The following SPAG16 variants were observed in gnomAD, a reference collection of about 807,000 sequenced individuals.
SPAG16 encodes sperm associated antigen 16.
A neutral mutation model predicts 80.4 loss-of-function variants in SPAG16; 86 were observed. The observed-to-expected ratio is 1.07, with a 90% CI of 0.90 to 1.28. SPAG16 has a LOEUF of 1.28. Among genes scored for constraint, SPAG16 ranks in the 50% most tolerant of loss-of-function variants. The pLI is 0.00. For synonymous variants in SPAG16, 294 were observed against 265.9 expected, an observed-to-expected ratio of 1.11 and a Z score of -1.03; for missense variants, 870 against 765.3, an observed-to-expected ratio of 1.14 and a Z score of -1.61.
chr2:214,364,823 C>A (rs1257253534), intron 15 of SPAG16, among the ~76,000 whole-genome samples: 1 of 152,048 alleles, frequency 6.6e-6, no homozygotes, highest in East Asian at 1.9e-4. Flanking sequence ...CAGATAAATG[C>A]ATTCCTTTTT....
At chr2:213,809,390 G>T (rs759679388) in intron 10 of SPAG16, among the ~76,000 whole-genome samples, 1 of 152,088 alleles carries the variant, frequency 6.6e-6, no homozygotes, top group Non-Finnish European at 1.5e-5. Flanking sequence ...ACTCACCCAG[G>T]TCCTAGCAAG....
At chr2:214,162,744 T>C (rs977282095) in intron 15 of SPAG16, among the ~76,000 whole-genome samples, 4 of 152,070 alleles carry the variant, frequency 2.6e-5, no homozygotes, top group Admixed American at 2.6e-4. Context: ...GCTTAATATC[T>C]AAATGAAGCC....
chr2:213,603,925 GT>G (rs111445953), intron 10 of SPAG16, among the ~76,000 whole-genome samples: 4,531 of 140,246 alleles, frequency 0.032, 65 homozygotes, highest in Middle Eastern at 0.053. Context: ...AGACTTCCTG[GT>G]TTTTTTTTTT....
At chr2:213,323,191 AG>A (rs2063696807) in intron 5 of SPAG16, among the ~76,000 whole-genome samples, 1 of 152,228 alleles carries the variant, frequency 6.6e-6, no homozygotes, top group African/African-American at 2.4e-5. Context: ...CTGTAATCCC[AG>A]CACTGTGGGA....
intron 10 of SPAG16, among the ~76,000 whole-genome samples, chr2:213,858,796 G>A (rs2105933601): frequency 6.6e-6 from 1 of 152,150 alleles, no homozygotes; most frequent in Non-Finnish European, 1.5e-5. Context: ...AAGTATAACT[G>A]GGTAAATTTT....
At chr2:213,505,937 TATC>T in intron 10 of SPAG16, among the ~76,000 whole-genome samples, 1 of 151,734 alleles carries the variant, frequency 6.6e-6, no homozygotes, top group South Asian at 2.1e-4. Context: ...TATAATAATA[TATC>T]ATCATTTTTA....
At chr2:214,130,959 C>G (rs796216546) in intron 14 of SPAG16, among the ~76,000 whole-genome samples, 5 of 152,270 alleles carry the variant, frequency 3.3e-5, no homozygotes, top group African/African-American at 1.2e-4. Flanking sequence ...TTCTTCTCCC[C>G]TTCACCTTCA....
chr2:213,527,723 C>T (rs547739226), intron 10 of SPAG16, among the ~76,000 whole-genome samples: 27 of 151,934 alleles, frequency 1.8e-4, no homozygotes, highest in African/African-American at 2.9e-4. Flanking sequence ...TTAAGTGAAA[C>T]GGAATCAGCC....
At chr2:214,223,095 A>G (rs2058619124) in intron 15 of SPAG16, among the ~76,000 whole-genome samples, 1 of 152,082 alleles carries the variant, frequency 6.6e-6, no homozygotes, top group Non-Finnish European at 1.5e-5. Flanking sequence ...AATCACAAAC[A>G]CCTGCATTTT....
At chr2:213,655,485 A>G (rs2063186975) in intron 10 of SPAG16, among the ~76,000 whole-genome samples, 1 of 152,220 alleles carries the variant, frequency 6.6e-6, no homozygotes, top group South Asian at 2.1e-4. Flanking sequence ...GTGACAATGG[A>G]TGAAAAAAAT....
chr2:214,120,331 T>C (rs560713546), intron 14 of SPAG16, among the ~76,000 whole-genome samples: 198 of 151,888 alleles, frequency 1.3e-3, no homozygotes, highest in Non-Finnish European at 2.3e-3. Context: ...TCTATTTCAA[T>C]TACTACATTT....
At chr2:214,327,954 GA>G (rs1260503443) in intron 15 of SPAG16, among the ~76,000 whole-genome samples, 3 of 152,158 alleles carry the variant, frequency 2.0e-5, no homozygotes, top group Non-Finnish European at 4.4e-5. Flanking sequence ...GGTGGGTTAT[GA>G]AATCATGAAA....
chr2:213,443,244 C>T (rs1553531383), intron 9 of SPAG16, among the ~76,000 whole-genome samples: 1 of 152,134 alleles, frequency 6.6e-6, no homozygotes. Flanking sequence ...TTATGATTTA[C>T]ATTAGATCTG....
At chr2:213,915,528 T>C (rs959176895) in intron 11 of SPAG16, among the ~76,000 whole-genome samples, 3 of 152,196 alleles carry the variant, frequency 2.0e-5, no homozygotes, top group Admixed American at 2.0e-4. Context: ...TAGTCTCTCA[T>C]TGACTGGTAT....
At chr2:213,750,168 G>A (rs1392825615) in intron 10 of SPAG16, among the ~76,000 whole-genome samples, 1 of 152,126 alleles carries the variant, frequency 6.6e-6, no homozygotes. Flanking sequence ...GAGTTGTTAA[G>A]GTGGTAAACA....
At chr2:213,509,123 A>C (rs931442836) in intron 10 of SPAG16, among the ~76,000 whole-genome samples, 4 of 151,798 alleles carry the variant, frequency 2.6e-5, no homozygotes, top group Non-Finnish European at 5.9e-5. Flanking sequence ...CAGCCTCCCG[A>C]GTAGCTGGGA....
chr2:213,805,032 A>T (rs1267544983), intron 10 of SPAG16, among the ~76,000 whole-genome samples: 1 of 152,232 alleles, frequency 6.6e-6, no homozygotes, highest in Admixed American at 6.5e-5. Context: ...GTAGCTCATT[A>T]CATATTATAA....
chr2:214,313,078 A>G (rs1695445671), intron 15 of SPAG16, among the ~76,000 whole-genome samples: 1 of 152,172 alleles, frequency 6.6e-6, no homozygotes, highest in Non-Finnish European at 1.5e-5. Flanking sequence ...CATAATTTTA[A>G]ACAACTTAAC....
At chr2:214,116,415 C>T (rs1180938507) in intron 14 of SPAG16, among the ~76,000 whole-genome samples, 1 of 152,166 alleles carries the variant, frequency 6.6e-6, no homozygotes, top group Non-Finnish European at 1.5e-5. Flanking sequence ...TGAGGTGCAC[C>T]AGACTCAGTT....
Sources: allele counts gnomAD v4.1 joint callset (sites outside exome capture counted in the v4.1 genomes callset), GRCh38; gene constraint gnomAD v4.1.1; transcripts MANE v1.5; gene names NCBI Gene and HGNC (gene_info 2026-07-23, HGNC 2026-07-21).